The following RANBP2 variants were observed in gnomAD, a reference collection of about 807,000 sequenced individuals.
RANBP2 encodes E3 SUMO-protein ligase RanBP2.
RANBP2 carries 57 observed loss-of-function variants against 303.6 expected under a neutral mutation model. The observed-to-expected ratio is 0.19, with a 90% CI of 0.15 to 0.23. The LOEUF is 0.23. Ranked by LOEUF, RANBP2 falls within the 10% of genes least tolerant of loss-of-function variation. The pLI is 1.00. For synonymous variants in RANBP2, 1,167 were observed against 1,301.5 expected, an observed-to-expected ratio of 0.90 and a Z score of 2.23; for missense variants, 3,138 against 3,780.8, an observed-to-expected ratio of 0.83 and a Z score of 4.46.
chr2:109,626,481 A>AAAAC, the RANBP2 span, among the ~76,000 whole-genome samples: 38 of 151,886 alleles, frequency 2.5e-4, no homozygotes, highest in Middle Eastern at 6.8e-3. Flanking sequence ...AACGAAAAAC[A>AAAAC]AAACAAACAA....
the RANBP2 span, among the ~76,000 whole-genome samples, chr2:109,243,520 G>GT: frequency 6.6e-6 from 1 of 152,158 alleles, no homozygotes; most frequent in African/African-American, 2.4e-5. Flanking sequence ...AAAGTCAGAT[G>GT]GGGCAGGTGA....
At chr2:109,418,360 A>T in the RANBP2 span, among the ~76,000 whole-genome samples, 3 of 152,162 alleles carry the variant, frequency 2.0e-5, no homozygotes, top group Non-Finnish European at 4.4e-5. Flanking sequence ...AGCAACAGAA[A>T]GCTGTTCTCT....
chr2:108,783,655 T>G lies in RANBP2; in HGVS notation c.9429T>G (p.Phe3143Leu). ...TGGQSIYGDK[F>L]EDENFDVKHT... ...GACAGTCCATTTATGGAGACAAATT[T>G]GAAGATGAAAATTTTGATGTGAAAC... The change falls in exon 29 of 29, where the codon TTT becomes TTG. Residue 3143 changes from phenylalanine (F) to leucine (L), a missense_variant. This residue lies in a region of RANBP2 where 204 missense variants were observed against 228.4 expected (regional missense o/e 0.89). Transcript: ENST00000283195. 6.2e-7 allele frequency: 1 copy of G among 1,612,116 alleles called. No individual in the cohort carries two copies.
chr2:109,033,944 G>T, the RANBP2 span, among the ~76,000 whole-genome samples: 1 of 144,928 alleles, frequency 6.9e-6, no homozygotes, highest in Non-Finnish European at 1.5e-5. Flanking sequence ...GACAGAGGGA[G>T]ACCCTGACTC....
chr2:109,146,247 T>C, the RANBP2 span, among the ~76,000 whole-genome samples: 205 of 152,296 alleles, frequency 1.3e-3, no homozygotes, highest in Non-Finnish European at 2.4e-3. Flanking sequence ...GCTGCTCTTA[T>C]AGCCAGATTA....
At chr2:109,063,629 C>A in the RANBP2 span, among the ~76,000 whole-genome samples, 1 of 152,142 alleles carries the variant, frequency 6.6e-6, no homozygotes, top group African/African-American at 2.4e-5. Context: ...CTGCAGGCAC[C>A]TGGGTACACA....
the RANBP2 span, among the ~76,000 whole-genome samples, chr2:109,562,296 C>T: frequency 1.3e-5 from 2 of 151,908 alleles, no homozygotes; most frequent in African/African-American, 4.8e-5. Context: ...CACTACCCCT[C>T]TCTTTCACGC....
chr2:108,774,199 T>C (rs1273916335), intron 23 of RANBP2, among the ~76,000 whole-genome samples: 1 of 152,244 alleles, frequency 6.6e-6, no homozygotes, highest in African/African-American at 2.4e-5. Context: ...TACAATTTTG[T>C]TATGTGGTTG....
At chr2:109,577,990 A>G in the RANBP2 span, among the ~76,000 whole-genome samples, 4 of 152,208 alleles carry the variant, frequency 2.6e-5, no homozygotes, top group South Asian at 8.3e-4. Context: ...TAACTGTTCT[A>G]AATTTCATTT....
the RANBP2 span, among the ~76,000 whole-genome samples, chr2:109,676,854 G>A: frequency 7.9e-5 from 12 of 152,260 alleles, no homozygotes; most frequent in Admixed American, 2.0e-4. Context: ...TCTCTTTGGC[G>A]TCTGTCTATC....
the RANBP2 span, among the ~76,000 whole-genome samples, chr2:109,070,029 A>T: frequency 6.6e-6 from 1 of 152,232 alleles, no homozygotes; most frequent in South Asian, 2.1e-4. Flanking sequence ...GGCCATTAAG[A>T]AGGGCCAGTC....
At chr2:108,879,799 A>G in the RANBP2 span, among the ~76,000 whole-genome samples, 1 of 152,154 alleles carries the variant, frequency 6.6e-6, no homozygotes. Flanking sequence ...GGAATTTGCA[A>G]TACTAGATTT....
chr2:108,884,637 T>A, the RANBP2 span: 1 of 152,196 alleles, frequency 6.6e-6, no homozygotes, highest in East Asian at 1.9e-4. Flanking sequence ...AAGTCAAGGA[T>A]GATGGTTTTG....
the RANBP2 span, among the ~76,000 whole-genome samples, chr2:108,965,103 A>ATG: frequency 4.4e-3 from 669 of 152,158 alleles, 5 homozygotes; most frequent in African/African-American, 0.016. Context: ...GCACGCAAGC[A>ATG]TGTGTGTGTC....
the RANBP2 span, among the ~76,000 whole-genome samples, chr2:108,902,095 G>T: frequency 3.3e-3 from 503 of 152,192 alleles, 1 homozygote; most frequent in African/African-American, 0.011. Flanking sequence ...AAAATTAGCT[G>T]GGCATGGTGG....
At chr2:109,511,534 C>T in the RANBP2 span, among the ~76,000 whole-genome samples, 1 of 152,194 alleles carries the variant, frequency 6.6e-6, no homozygotes, top group African/African-American at 2.4e-5. Flanking sequence ...GTGCCTGGAC[C>T]ACATGGCAAT....
the RANBP2 span, among the ~76,000 whole-genome samples, chr2:108,924,235 T>C: frequency 6.6e-6 from 1 of 152,264 alleles, no homozygotes; most frequent in Non-Finnish European, 1.5e-5. Context: ...CCCGTGGCTA[T>C]ATGACTGCTC....
the RANBP2 span, among the ~76,000 whole-genome samples, chr2:109,312,356 TA>T: frequency 3.6e-4 from 55 of 152,334 alleles, no homozygotes; most frequent in South Asian, 6.0e-3. Context: ...ACGGGTTTTT[TA>T]TTGTGGTATA....
chr2:109,415,317 C>G, the RANBP2 span, among the ~76,000 whole-genome samples: 2 of 152,182 alleles, frequency 1.3e-5, no homozygotes, highest in African/African-American at 2.4e-5. Flanking sequence ...AGCACGTGGC[C>G]TGAGTTCAAA....
Sources: gnomAD v4.1 joint callset for allele counts (sites outside exome capture counted in the v4.1 genomes callset) on GRCh38, gnomAD v4.1.1 for gene constraint, gnomAD v4.1.1 regional missense constraint, MANE v1.5 for transcripts, NCBI Gene and HGNC (gene_info 2026-07-23, HGNC 2026-07-21) for gene names.